Variants in CCT6A observed in about 807,000 individuals in gnomAD.
CCT6A encodes T-complex protein 1 subunit zeta.
In CCT6A, 6 loss-of-function variants were observed where a neutral mutation model predicts 58.6. The ratio of observed to expected loss-of-function variants is 0.10; its 90% confidence interval spans 0.06 to 0.20. CCT6A has a LOEUF of 0.20. Ranked by LOEUF, CCT6A falls within the 10% of genes least tolerant of loss-of-function variation. The probability of loss-of-function intolerance (pLI) is 1.00; values close to 1 mark genes in which losing one functional copy is unlikely to be tolerated. For synonymous variants in CCT6A, 245 were observed against 227.8 expected, an observed-to-expected ratio of 1.08 and a Z score of -0.68; for missense variants, 516 against 648.8, an observed-to-expected ratio of 0.80 and a Z score of 2.22.
In CCT6A at chr7:56,054,393, T is replaced by G. The variant is rs778879419; in HGVS notation, c.226T>G (p.Leu76Val). The change falls in exon 3 of 14, where the codon TTA becomes GTA. Residue 76 changes from leucine to valine, a missense_variant. By Grantham distance (32) the Leu-to-Val change is conservative. Around this residue, in one of 3 missense-constraint regions of CCT6A, gnomAD observed 116 missense variants for 184.5 expected, o/e 0.63. Coordinates refer to ENST00000275603, the MANE Select transcript of CCT6A (RefSeq NM_001762.4). ...GCAAATTCAACACCCAACAGCTTCCTTAATAGCAAAGGTAGCAACAGCCCA... is the reference window on the plus strand; with the variant it reads ...GCAAATTCAACACCCAACAGCTTCCGTAATAGCAAAGGTAGCAACAGCCCA... The part of the protein sequence containing the change: ...EMQIQHPTAS[L>V]IAKVATAQDD... 6.2e-7 allele frequency: 1 copy of G among 1,609,580 alleles called. No homozygotes were observed. Among genetic ancestry groups the G allele is most frequent in the South Asian group, 1.1e-5 (1 of 90,952 alleles).
chr7:56,055,526 G>C (rs2117337275), intron 3 of CCT6A, 98 bp from the exon 4 acceptor site: 1 of 996,838 alleles, frequency 1.0e-6, no homozygotes, highest in Non-Finnish European at 1.6e-6. Context: ...TCAAAGGTAT[G>C]ATGATCCAGA....
chr7:56,051,796 C>A lies in CCT6A; in HGVS notation c.-53C>A. On this transcript the variant is annotated 5_prime_UTR_variant, in exon 1 of 14. Coordinates refer to ENST00000275603, the MANE Select transcript of CCT6A (RefSeq NM_001762.4). ...CCCGGATAGTTCCTCCCGGCCACGC[C>A]GCGCCGGCTCTGGGCACTCAGCATC... The A allele has an allele frequency of 1.3e-6, 2 of 1,536,414 alleles. No homozygotes were observed. Among genetic ancestry groups the A allele is most frequent in the Non-Finnish European group, 1.8e-6 (2 of 1,141,088 alleles).
intron 10 of CCT6A, 71 bp from the exon 11 acceptor site, chr7:56,060,736 T>C: frequency 6.6e-7 from 1 of 1,516,260 alleles, no homozygotes; most frequent in African/African-American, 1.4e-5. Context: ...ATGGCTTTCA[T>C]ATGTATATTT....
At chr7:56,053,207 G>T (rs914686692) in intron 2 of CCT6A, among the ~76,000 whole-genome samples, 3 of 151,994 alleles carry the variant, frequency 2.0e-5, no homozygotes, top group South Asian at 2.1e-4. Context: ...ATTATTGAGG[G>T]GAGTATGCTT....
At chr7:56,058,252 A>T (rs1204623312) in intron 6 of CCT6A, 110 bp from the exon 7 acceptor site, 1 of 892,458 alleles carries the variant, frequency 1.1e-6, no homozygotes, top group Non-Finnish European at 1.7e-6. Flanking sequence ...AAGATGCATA[A>T]GGGGCAGGAT....
intron 2 of CCT6A, 57 bp downstream of exon 2, chr7:56,052,542 T>C: frequency 7.0e-7 from 1 of 1,432,470 alleles, no homozygotes; most frequent in Middle Eastern, 1.8e-4. Flanking sequence ...GAATGTTTTC[T>C]TTGTAGAAAG....
intron 2 of CCT6A, 150 bp downstream of exon 2, chr7:56,052,635 C>A (rs1339560815): frequency 1.5e-6 from 1 of 672,660 alleles, no homozygotes; most frequent in African/African-American, 1.8e-5. Flanking sequence ...TGGAGTCTGA[C>A]AGCCCTGCCT....
In CCT6A at chr7:56,054,288, A is replaced by T. The variant is rs1455715149; in HGVS notation, c.202-81A>T. ...TTTTTCAAGTAGATAGCACTCAAAGAGGCCCTTCCTGCATTTTGTCTGTGG... is the reference window on the plus strand; with the variant it reads ...TTTTTCAAGTAGATAGCACTCAAAGTGGCCCTTCCTGCATTTTGTCTGTGG... On this transcript the variant is annotated intron_variant, in intron 2 of 13. Transcript: ENST00000275603. The T allele has an allele frequency of 1.6e-5, 19 of 1,199,648 alleles. No homozygotes were observed. In the East Asian group the frequency reaches 4.3e-4, roughly 27 times the overall value. 74.3% of individuals were successfully genotyped at this position (1,199,648 alleles called of 1,614,324 possible).
intron 10 of CCT6A, 135 bp from the exon 11 acceptor site, chr7:56,060,672 C>A: frequency 8.4e-7 from 1 of 1,189,522 alleles, no homozygotes; most frequent in Non-Finnish European, 1.2e-6. Flanking sequence ...AACCATTCTC[C>A]TATTTGGTAT....
chr7:56,057,194 G>C (rs540066875), intron 5 of CCT6A, among the ~76,000 whole-genome samples: 30 of 152,224 alleles, frequency 2.0e-4, no homozygotes, highest in Middle Eastern at 3.4e-3. Context: ...CCTGAAATAA[G>C]GTGAATGTTA....
intron 5 of CCT6A, among the ~76,000 whole-genome samples, chr7:56,056,704 A>C (rs1208459877): frequency 6.7e-6 from 1 of 148,480 alleles, no homozygotes; most frequent in Admixed American, 6.7e-5. Context: ...CCTGGGTGAC[A>C]AGAGCGAAAC....
chr7:56,063,259 T>A lies in CCT6A; in HGVS notation c.*174T>A, dbSNP rs1322604450. ...GGAAGTTCTGAAATTATAGTATTTT[T>A]AAAAATTGCACTGAAGTGTATACAC... On this transcript the variant is annotated 3_prime_UTR_variant, in exon 14 of 14. Coordinates refer to ENST00000275603, the MANE Select transcript of CCT6A (RefSeq NM_001762.4). 1 of 608,844 alleles carries A rather than the reference T, an allele frequency of 1.6e-6. No homozygotes were observed. Among genetic ancestry groups the A allele is most frequent in the African/African-American group, 1.9e-5 (1 of 53,920 alleles). 37.7% of individuals were successfully genotyped at this position (608,844 alleles called of 1,614,324 possible).
At chr7:56,061,377 T>G (rs1161830969) in intron 11 of CCT6A, among the ~76,000 whole-genome samples, 3 of 146,064 alleles carry the variant, frequency 2.1e-5, no homozygotes, top group South Asian at 2.3e-4. Flanking sequence ...CAATGAGTTT[T>G]TTTTTTTTTT....
At chr7:56,057,608 C>T (rs1419353938) in intron 5 of CCT6A, among the ~76,000 whole-genome samples, 4 of 152,172 alleles carry the variant, frequency 2.6e-5, no homozygotes, top group Non-Finnish European at 2.9e-5. Flanking sequence ...AGGCCGGGCG[C>T]AGTGGCTCAT....
Position 56,058,071 on chromosome 7 carries a change from C to T in CCT6A, c.693C>T (p.Leu231=), listed in dbSNP as rs768137658. Residue 231 remains leucine, a synonymous_variant, in exon 6 of 14, where the codon CTC becomes CTT. Coordinates refer to ENST00000275603, the MANE Select transcript of CCT6A (RefSeq NM_001762.4). ...MKKRVEDAYI[L]TCNVSLEYEK... is the part of the protein sequence containing the mutation. ...AAAGGGTGGAGGATGCATACATCCTCACTTGTAACGTGTCATTAGAGTATG... is the reference window on the plus strand; with the variant it reads ...AAAGGGTGGAGGATGCATACATCCTTACTTGTAACGTGTCATTAGAGTATG... The T allele has an allele frequency of 1.1e-5, 17 of 1,607,350 alleles. No individual in the cohort carries two copies. Among genetic ancestry groups the T allele is most frequent in the African/African-American group, 9.4e-5 (7 of 74,744 alleles).
chr7:56,058,611 T>A lies in CCT6A; in HGVS notation c.886-9T>A. ...AAGATGTTGAAATTAATTTTTATTT[T>A]TGTTACAGGGAATTGACCCCTTTTC... On this transcript the variant is annotated splice_polypyrimidine_tract_variant and intron_variant, in intron 7 of 13. Coordinates refer to ENST00000275603, the MANE Select transcript of CCT6A (RefSeq NM_001762.4). 1 of 1,599,442 alleles carries A rather than the reference T, an allele frequency of 6.3e-7. No individual in the cohort carries two copies. The highest frequency in any genetic ancestry group is 8.6e-7 in the Non-Finnish European group (1 of 1,169,340).
chr7:56,060,563 G>T, intron 10 of CCT6A, 147 bp downstream of exon 10: 1 of 977,006 alleles, frequency 1.0e-6, no homozygotes, highest in Non-Finnish European at 1.6e-6. Flanking sequence ...GGTATGCTAA[G>T]GTTTTTCATA....
In CCT6A at chr7:56,057,736, C is replaced by G. The variant is rs553445506; in HGVS notation, c.615-257C>G. 9.2e-5 allele frequency among the ~76,000 whole-genome samples: 14 copies of G among 152,212 alleles called. No individual in the cohort carries two copies. The South Asian group carries it at 2.7e-3, about 29-fold the overall frequency. ...TCTACTAAAAATACAAAAGAATTAGCTGGGCATGGTTGTGGGTGCCTGTAG... is the reference window on the plus strand; with the variant it reads ...TCTACTAAAAATACAAAAGAATTAGGTGGGCATGGTTGTGGGTGCCTGTAG... On this transcript the variant is annotated intron_variant, in intron 5 of 13. Transcript: ENST00000275603.
intron 11 of CCT6A, among the ~76,000 whole-genome samples, chr7:56,061,373 GTTTTTT>G (rs34651360): frequency 8.5e-6 from 1 of 117,618 alleles, no homozygotes; most frequent in Admixed American, 9.6e-5. Context: ...TATGCAATGA[GTTTTTT>G]TTTTTTTTTT....
Sources: gnomAD v4.1 joint callset for allele counts (sites outside exome capture counted in the v4.1 genomes callset) on GRCh38, gnomAD v4.1.1 for gene constraint, gnomAD v4.1.1 regional missense constraint, MANE v1.5 for transcripts, NCBI Gene and HGNC (gene_info 2026-07-23, HGNC 2026-07-21) for gene names.